Variants in ADGRF5 observed in about 807,000 individuals in gnomAD.
The protein encoded by ADGRF5 is adhesion G protein-coupled receptor F5.
ADGRF5 carries 75 observed loss-of-function variants against 132.3 expected under a neutral mutation model. The observed-to-expected ratio is 0.57, with a 90% confidence interval of 0.47 to 0.69. The LOEUF is 0.69. ADGRF5 is among the 30% of genes least tolerant of loss of function. The pLI is 0.00. For missense variants in ADGRF5, 1,516 were observed against 1,630.6 expected, an observed-to-expected ratio of 0.93 and a Z score of 1.21; for synonymous variants, 629 against 597.6, an observed-to-expected ratio of 1.05 and a Z score of -0.77.
At chr6:46,939,152 G>A (rs1777961726) in intron 1 of ADGRF5, among the ~76,000 whole-genome samples, 1 of 152,224 alleles carries the variant, frequency 6.6e-6, no homozygotes, top group Non-Finnish European at 1.5e-5. Context: ...TTACAGGCGT[G>A]AGCCACCACG....
chr6:46,874,951 T>C (rs1771483160), intron 10 of ADGRF5, among the ~76,000 whole-genome samples: 1 of 152,176 alleles, frequency 6.6e-6, no homozygotes, highest in South Asian at 2.1e-4. Flanking sequence ...TATCCTACAA[T>C]GCACAGAACA....
At chr6:46,935,074 G>C (rs1777752390) in intron 1 of ADGRF5, among the ~76,000 whole-genome samples, 1 of 144,088 alleles carries the variant, frequency 6.9e-6, no homozygotes. Flanking sequence ...TGTGATCTTG[G>C]CTCACTGCAA....
In ADGRF5 at chr6:46,946,222, T is replaced by C. The variant is rs78831681; in HGVS notation, c.-25+8512A>G. On this transcript the variant is annotated intron_variant, in intron 1 of 20. Transcript: ENST00000265417. ...AACCTGTAAAAAACAACTGAGAAGT[T>C]GCAGCCAGAGAAGAAGGAGGGAGGC... is the stretch of plus-strand genomic sequence containing the variant. 9.7e-3 allele frequency among the ~76,000 whole-genome samples: 1,470 copies of C among 152,240 alleles called. 29 individuals carry two copies. The highest frequency in any genetic ancestry group is 0.032 in the African/African-American group (1,333 of 41,542).
intron 1 of ADGRF5, among the ~76,000 whole-genome samples, chr6:46,910,778 T>C (rs959583051): frequency 6.6e-6 from 1 of 152,218 alleles, no homozygotes; most frequent in African/African-American, 2.4e-5. Flanking sequence ...AAAAAACTTC[T>C]AGCCTCATTT....
intron 10 of ADGRF5, among the ~76,000 whole-genome samples, chr6:46,877,633 T>C (rs1235173003): frequency 6.6e-6 from 1 of 152,062 alleles, no homozygotes; most frequent in Non-Finnish European, 1.5e-5. Flanking sequence ...TTAGGTAAGA[T>C]TTCAGATTGA....
upstream of ADGRF5, among the ~76,000 whole-genome samples, chr6:46,925,511 C>G (rs757628619): frequency 4.6e-5 from 7 of 152,150 alleles, no homozygotes; most frequent in African/African-American, 7.2e-5. Context: ...AATCCCAGCA[C>G]TTTGGGAGGC....
At chr6:46,868,358 G>A (rs1770682026) in intron 12 of ADGRF5, among the ~76,000 whole-genome samples, 1 of 152,184 alleles carries the variant, frequency 6.6e-6, no homozygotes, top group South Asian at 2.1e-4. Flanking sequence ...TTTGCATAGT[G>A]CCTATCACAT....
At chr6:46,913,107 A>G (rs1263102295) in intron 1 of ADGRF5, among the ~76,000 whole-genome samples, 1 of 152,206 alleles carries the variant, frequency 6.6e-6, no homozygotes, top group Admixed American at 6.5e-5. Flanking sequence ...AGCTCTAAAT[A>G]GTGGCTAATC....
At chr6:46,862,616 C>T (rs1304537894) in intron 15 of ADGRF5, among the ~76,000 whole-genome samples, 3 of 145,420 alleles carry the variant, frequency 2.1e-5, no homozygotes, top group Admixed American at 7.1e-5. Flanking sequence ...AGGTATGGAA[C>T]ACATGGTACT....
At chr6:46,854,328 G>A (rs1310072184) in intron 20 of ADGRF5, among the ~76,000 whole-genome samples, 1 of 152,200 alleles carries the variant, frequency 6.6e-6, no homozygotes, top group Admixed American at 6.5e-5. Context: ...GGTTTCTACA[G>A]AGGACAGGAA....
At chr6:46,860,538 A>T (rs1039295208) in intron 16 of ADGRF5, among the ~76,000 whole-genome samples, 177 bp downstream of exon 16, 4 of 152,242 alleles carry the variant, frequency 2.6e-5, no homozygotes, top group African/African-American at 7.2e-5. Flanking sequence ...AGGTCTCAAA[A>T]TGAATACTGG....
intron 3 of ADGRF5, among the ~76,000 whole-genome samples, chr6:46,893,523 C>G (rs1276594751): frequency 6.6e-6 from 1 of 152,056 alleles, no homozygotes. Flanking sequence ...AATGCCAAAC[C>G]CACCTGTCCC....
In ADGRF5 at chr6:46,856,770, T is replaced by C. The variant is rs1236927575; in HGVS notation, c.3824A>G (p.Glu1275Gly). 1.3e-6 allele frequency: 2 copies of C among 1,593,882 alleles called. No homozygotes were observed. Among genetic ancestry groups the C allele is most frequent in the East Asian group, 2.2e-5 (1 of 44,764 alleles). The stretch of plus-strand genomic sequence containing the variant: ...CAATGAAAACTTATTCAGCAAAGCT[T>C]CCTGTACCTGCATTGTTAAAAAGAA... ...FGCLWDLKVQ[E>G]ALLNKFSLSR... is the part of the protein sequence containing the mutation. Residue 1275 changes from glutamate (E) to glycine (G), a missense_variant, in exon 19 of 21, where the codon GAA becomes GGA. Physicochemically the swap from Glu to Gly is moderately conservative, Grantham distance 98 (BLOSUM62 -2). Around this residue, in one of 2 missense-constraint regions of ADGRF5, gnomAD observed 571 missense variants for 701.2 expected, o/e 0.81. Transcript: ENST00000283296.
In ADGRF5 at chr6:46,858,400, T is replaced by C. The variant is rs1769307257; in HGVS notation, c.3503A>G (p.Asp1168Gly). ...GGCGAAAGCCAGCAGGGCCTTGGTG[T>C]CCTCCCAGTTGAGCCAACAGACATT... ...RKNVCWLNWE[D>G]TKALLAFAIP... Residue 1168 changes from aspartate to glycine, a missense_variant, in exon 17 of 21, where the codon GAC becomes GGC. Transcript: ENST00000283296. 1.9e-6 allele frequency: 3 copies of C among 1,613,898 alleles called. No homozygotes were observed. The highest frequency in any genetic ancestry group is 4.5e-5 in the East Asian group (2 of 44,856).
intron 1 of ADGRF5, among the ~76,000 whole-genome samples, chr6:46,953,580 G>A (rs1489501170): frequency 2.1e-5 from 3 of 145,232 alleles, no homozygotes; most frequent in East Asian, 2.0e-4. Flanking sequence ...TTGCACCACT[G>A]TACTCCAGGC....
chr6:46,907,226 C>T (rs1169283349), intron 1 of ADGRF5, among the ~76,000 whole-genome samples: 2 of 151,980 alleles, frequency 1.3e-5, no homozygotes, highest in East Asian at 3.9e-4. Context: ...GGACTATGAC[C>T]CATTAGTATG....
chr6:46,903,959 G>A (rs571852812), intron 2 of ADGRF5, among the ~76,000 whole-genome samples: 295 of 152,318 alleles, frequency 1.9e-3, no homozygotes, highest in Admixed American at 3.9e-3. Context: ...CAGACTCAGG[G>A]AAACGAAGAA....
intron 1 of ADGRF5, among the ~76,000 whole-genome samples, chr6:46,943,441 G>A (rs1222239793): frequency 6.6e-6 from 1 of 152,200 alleles, no homozygotes; most frequent in Non-Finnish European, 1.5e-5. Context: ...TTAATGCTGG[G>A]AAACTTATGG....
intron 1 of ADGRF5, among the ~76,000 whole-genome samples, chr6:46,942,959 A>T (rs191862760): frequency 1.6e-3 from 246 of 152,302 alleles, no homozygotes; most frequent in Middle Eastern, 0.014. Flanking sequence ...CATATCAGTA[A>T]ATAGGCTATA....
Sources: allele counts gnomAD v4.1 joint callset (sites outside exome capture counted in the v4.1 genomes callset), GRCh38; gene constraint gnomAD v4.1.1; regional missense constraint gnomAD v4.1.1; transcripts MANE v1.5; gene names NCBI Gene and HGNC (gene_info 2026-07-23, HGNC 2026-07-21).